Variants in KCNG3 observed in about 807,000 individuals in gnomAD.
KCNG3 encodes the protein potassium voltage-gated channel modifier subfamily G member 3.
KCNG3 carries 15 observed loss-of-function variants against 29.0 expected under a neutral mutation model. The observed-to-expected ratio is 0.52, with a 90% CI of 0.35 to 0.80. The LOEUF is 0.80. KCNG3 is among the 30% of genes least tolerant of loss of function. The probability of loss-of-function intolerance (pLI) is 0.01; values close to 1 mark genes in which losing one functional copy is unlikely to be tolerated. For synonymous variants in KCNG3, 322 were observed against 248.9 expected, an observed-to-expected ratio of 1.29 and a Z score of -2.76; for missense variants, 512 against 605.7, an observed-to-expected ratio of 0.85 and a Z score of 1.62.
In KCNG3 at chr2:42,444,969, G is replaced by A. The variant is rs1322842655; in HGVS notation, c.666-390C>T. Among the ~76,000 whole-genome samples, 2 of 151,688 alleles carry A rather than the reference G, an allele frequency of 1.3e-5. No individual in the cohort carries two copies. Among genetic ancestry groups the A allele is most frequent in the Non-Finnish European group, 2.9e-5 (2 of 67,976 alleles). On this transcript the variant is annotated intron_variant, in intron 1 of 1. Coordinates refer to ENST00000306078, the MANE Select transcript of KCNG3 (RefSeq NM_133329.6). The surrounding 1 kb of genome is among the most constrained non-coding windows in gnomAD (Gnocchi z 5.8). The stretch of plus-strand genomic sequence containing the variant: ...TAGTACCACCTACCTGGGAGGCTAA[G>A]GTGGGAGGATCACCTGAGCCTGGGA...
At chr2:42,473,459 C>A (rs530979159) in intron 1 of KCNG3, among the ~76,000 whole-genome samples, 1 of 151,978 alleles carries the variant, frequency 6.6e-6, no homozygotes, top group African/African-American at 2.4e-5. Flanking sequence ...AAGGGATTCT[C>A]CTGCCTCAGC....
chr2:42,388,677 G>A, the KCNG3 span: 1 of 152,104 alleles, frequency 6.6e-6, no homozygotes, highest in Non-Finnish European at 1.5e-5. Context: ...AGAATCCTAT[G>A]ATTGCATTTA....
chr2:42,457,472 C>T (rs542593092), intron 1 of KCNG3, among the ~76,000 whole-genome samples: 20 of 151,200 alleles, frequency 1.3e-4, no homozygotes, highest in African/African-American at 4.4e-4. Context: ...TCCAGCTGGG[C>T]GACAGAGAGA....
chr2:42,479,472 C>T (rs761854495), intron 1 of KCNG3, among the ~76,000 whole-genome samples: 60 of 150,424 alleles, frequency 4.0e-4, no homozygotes, highest in Middle Eastern at 3.3e-3. Flanking sequence ...GAGCAAAACC[C>T]CATCTCTACA....
At chr2:42,405,074 A>T in the KCNG3 span, among the ~76,000 whole-genome samples, 1 of 152,236 alleles carries the variant, frequency 6.6e-6, no homozygotes, top group Non-Finnish European at 1.5e-5. Context: ...TCTGATTCTC[A>T]TCTAGAAACC....
the KCNG3 span, among the ~76,000 whole-genome samples, chr2:42,398,520 G>A: frequency 6.6e-5 from 10 of 152,130 alleles, no homozygotes; most frequent in Non-Finnish European, 1.3e-4. Context: ...GATAAGCATT[G>A]TAACCTTCCA....
chr2:42,456,945 G>A (rs1010920632), intron 1 of KCNG3, among the ~76,000 whole-genome samples: 1 of 151,926 alleles, frequency 6.6e-6, no homozygotes, highest in Non-Finnish European at 1.5e-5. Flanking sequence ...GGGTTTTTTT[G>A]AGAGGAAAAA....
intron 1 of KCNG3, among the ~76,000 whole-genome samples, chr2:42,470,858 A>C (rs1010122324): frequency 6.6e-6 from 1 of 151,518 alleles, no homozygotes; most frequent in African/African-American, 2.4e-5. Context: ...CCTTGTCTCA[A>C]AAAAAAAGAA....
At chr2:42,486,243 T>C (rs933397467) in intron 1 of KCNG3, among the ~76,000 whole-genome samples, 1 of 152,194 alleles carries the variant, frequency 6.6e-6, no homozygotes, top group Admixed American at 6.5e-5. Context: ...TCATACACTC[T>C]CCTAGTCCTG....
rs768315159 is a variant in KCNG3, at chr2:42,493,426, G to C, written c.76C>G (p.Leu26Val). 2 of 1,496,682 alleles carry C rather than the reference G, an allele frequency of 1.3e-6. No homozygotes were observed. Among genetic ancestry groups the C allele is most frequent in the African/African-American group, 2.8e-5 (2 of 71,728 alleles). The allele number at this position is 1,496,682 out of a possible 1,614,324, so 92.7% of individuals were successfully genotyped here. A position where few individuals can be genotyped will look rare whatever the true frequency, so the allele number is the denominator to read the frequency against. The change falls in exon 1 of 2, where the codon CTG becomes GTG. Residue 26 changes from leucine (L) to valine (V), a missense_variant. Coordinates refer to ENST00000306078, the MANE Select transcript of KCNG3 (RefSeq NM_133329.6). The part of the protein sequence containing the change: ...GGARYSLSRE[L>V]LKDFPLRRVS... ...CGGCGCAGCGGGAAGTCCTTCAGCA[G>C]CTCCCGGGACAGCGAATACCGGGCG...
At chr2:42,441,559 G>C (rs1672478069), downstream of KCNG3, among the ~76,000 whole-genome samples, 1 of 151,722 alleles carries the variant, frequency 6.6e-6, no homozygotes, top group South Asian at 2.1e-4. Context: ...TTATAAATGG[G>C]TAGCTTAACT....
intron 1 of KCNG3, among the ~76,000 whole-genome samples, chr2:42,488,846 G>A (rs1673799525): frequency 6.6e-6 from 1 of 151,848 alleles, no homozygotes; most frequent in South Asian, 2.1e-4. Context: ...CACCACGCCT[G>A]GCCCCAAACA....
In KCNG3 at chr2:42,471,833, A is replaced by G. The variant is rs535441707; in HGVS notation, c.665+21004T>C. ...CAGGAGGTTGAGGCTGTAGTGAGCC[A>G]TGACTGCACCACTGCACTCCAGCCT... On this transcript the variant is annotated intron_variant, in intron 1 of 1. Transcript: ENST00000306078. Among the ~76,000 whole-genome samples, 12 of 150,470 alleles carry G rather than the reference A, an allele frequency of 8.0e-5. No individual in the cohort carries two copies. In the South Asian group the frequency reaches 1.3e-3, roughly 16 times the overall value.
the KCNG3 span, among the ~76,000 whole-genome samples, chr2:42,416,814 G>GT: frequency 6.9e-6 from 1 of 145,362 alleles, no homozygotes; most frequent in African/African-American, 2.6e-5. Context: ...TGAGTCCCCT[G>GT]TCTCAAAAAA....
chr2:42,476,982 G>A (rs186687747), intron 1 of KCNG3, among the ~76,000 whole-genome samples: 37 of 146,012 alleles, frequency 2.5e-4, no homozygotes, highest in Non-Finnish European at 4.7e-4. Context: ...TCCGGAGATC[G>A]AGACCATCCT....
intron 1 of KCNG3, among the ~76,000 whole-genome samples, chr2:42,483,098 G>A (rs1406355868): frequency 6.6e-6 from 1 of 152,140 alleles, no homozygotes. Flanking sequence ...TCCAGCCTGG[G>A]TGACAGATCA....
chr2:42,447,519 CTTT>C (rs35956741), intron 1 of KCNG3, among the ~76,000 whole-genome samples: 1 of 144,462 alleles, frequency 6.9e-6, no homozygotes, highest in African/African-American at 2.6e-5. Context: ...AATGAATATT[CTTT>C]TTTTTTTTTT....
At chr2:42,399,056 C>CTTTT in the KCNG3 span, among the ~76,000 whole-genome samples, 20 of 107,616 alleles carry the variant, frequency 1.9e-4, no homozygotes, top group Non-Finnish European at 2.9e-4. Flanking sequence ...TTTTTCTTTT[C>CTTTT]TTTTTTTTTT....
the KCNG3 span, among the ~76,000 whole-genome samples, chr2:42,426,997 T>C: frequency 2.0e-5 from 3 of 152,252 alleles, 1 homozygote; most frequent in South Asian, 6.2e-4. Flanking sequence ...TCAATGTACT[T>C]AATATATTTT....
Sources: gnomAD v4.1 joint callset for allele counts (sites outside exome capture counted in the v4.1 genomes callset) on GRCh38, gnomAD v4.1.1 for gene constraint, Gnocchi (gnomAD v3.1) non-coding constraint, MANE v1.5 for transcripts, NCBI Gene and HGNC (gene_info 2026-07-23, HGNC 2026-07-21) for gene names.